RBM34: variants seen among roughly 807,000 people sequenced by gnomAD.
RBM34 encodes the protein RNA-binding protein 34.
In RBM34, 39 loss-of-function variants were observed where a neutral mutation model predicts 44.6. The ratio of observed to expected loss-of-function variants is 0.87; its 90% CI spans 0.68 to 1.14. The LOEUF (loss-of-function observed/expected upper bound fraction) is 1.14, where lower values mean the gene tolerates loss of function less well. Ranked by LOEUF, RBM34 falls within the 50% of genes most tolerant of loss-of-function variation. The pLI is 0.00. For missense variants in RBM34, 572 were observed against 517.9 expected, an observed-to-expected ratio of 1.10 and a Z score of -1.01; for synonymous variants, 194 against 184.0, an observed-to-expected ratio of 1.05 and a Z score of -0.44.
Position 235,160,595 on chromosome 1 carries a change from A to G in RBM34, c.281T>C (p.Ile94Thr), listed in dbSNP as rs370731964. The change falls in exon 3 of 11, where the codon ATT becomes ACT. Residue 94 changes from isoleucine to threonine, a missense_variant. Transcript: ENST00000408888. ...RNEEEESTSQ[I>T]ERPLSQEPAK... ...AGGTTCTTGCGAAAGTGGTCTTTCA[A>G]TCTGGGATGTACTTTCTTCCTCCTC... 4.8e-5 allele frequency: 78 copies of G among 1,613,782 alleles called. 2 individuals carry two copies. In the Middle Eastern group the frequency reaches 2.6e-3, roughly 54 times the overall value.
intron 6 of RBM34, among the ~76,000 whole-genome samples, chr1:235,143,716 C>A (rs757203448): frequency 1.4e-4 from 21 of 152,022 alleles, no homozygotes; most frequent in Non-Finnish European, 1.9e-4. Context: ...CCAGCCTGAG[C>A]GACAGAGCAA....
Position 235,131,665 on chromosome 1 carries a change from C to G in RBM34, c.*48G>C. The G allele has an allele frequency of 6.5e-7, 1 of 1,537,054 alleles. No homozygotes were observed. The highest frequency in any genetic ancestry group is 8.7e-7 in the Non-Finnish European group (1 of 1,145,678). ...ACGATGCTATCAGCAGATAATAGCA[C>G]TTTTATTAGCAGTACTCAGCAGGAA... On this transcript the variant is annotated 3_prime_UTR_variant, in exon 11 of 11. Transcript: ENST00000408888.
At chr1:235,133,505 TTTAAG>T (rs1273120066) in intron 10 of RBM34, among the ~76,000 whole-genome samples, 1 of 152,166 alleles carries the variant, frequency 6.6e-6, no homozygotes. Flanking sequence ...GTAAATATAA[TTTAAG>T]TTCACAGAGA....
intron 3 of RBM34, among the ~76,000 whole-genome samples, chr1:235,156,131 G>C (rs1426085133): frequency 1.3e-5 from 2 of 151,114 alleles, no homozygotes; most frequent in African/African-American, 2.4e-5. Flanking sequence ...GCCTCCCAAA[G>C]TGTTGTGATT....
chr1:235,132,817 G>A (rs1386755451), intron 10 of RBM34, among the ~76,000 whole-genome samples: 8 of 152,098 alleles, frequency 5.3e-5, no homozygotes, highest in Non-Finnish European at 1.2e-4. Flanking sequence ...ATATCCATGA[G>A]ATGTTTGTTA....
At chr1:235,144,047 A>G (rs991942262) in intron 6 of RBM34, among the ~76,000 whole-genome samples, 12 of 151,762 alleles carry the variant, frequency 7.9e-5, no homozygotes, top group African/African-American at 2.9e-4. Flanking sequence ...TGTGGTGGCG[A>G]GCACCTGTAG....
At chr1:235,135,427 C>A (rs1248701344) in intron 10 of RBM34, among the ~76,000 whole-genome samples, 4 of 151,954 alleles carry the variant, frequency 2.6e-5, no homozygotes, top group African/African-American at 7.3e-5. Context: ...CGAGGTTTTA[C>A]CATGTGGGCC....
chr1:235,146,974 TA>T (rs1385716266), intron 6 of RBM34, among the ~76,000 whole-genome samples: 1 of 152,212 alleles, frequency 6.6e-6, no homozygotes. Flanking sequence ...CTCATGCTCA[TA>T]ATCCCACTGC....
Position 235,148,388 on chromosome 1 carries a change from C to CT in RBM34, c.701+15dup, listed in dbSNP as rs776965543. ...GAAAGTTTAAGGTGACTCCCTTTCT[C>CT]TAATTATAAACTTACTTTATTGCTG... On this transcript the variant is annotated intron_variant, in intron 6 of 10. Transcript: ENST00000408888. 3 of 1,573,566 alleles carry CT rather than the reference C, an allele frequency of 1.9e-6. No individual in the cohort carries two copies. The highest frequency in any genetic ancestry group is 2.6e-6 in the Non-Finnish European group (3 of 1,158,236).
intron 6 of RBM34, among the ~76,000 whole-genome samples, chr1:235,144,933 C>G (rs1661840315): frequency 6.6e-6 from 1 of 152,084 alleles, no homozygotes; most frequent in Admixed American, 6.6e-5. Context: ...ATCCCAGCTA[C>G]TCAGTAGGCT....
chr1:235,155,497 A>C (rs1572167299), intron 3 of RBM34, among the ~76,000 whole-genome samples: 1 of 140,146 alleles, frequency 7.1e-6, no homozygotes, highest in Non-Finnish European at 1.5e-5. Context: ...GCATGCCCCC[A>C]CACGTGGCTT....
chr1:235,159,339 C>G (rs991518563), intron 3 of RBM34, among the ~76,000 whole-genome samples: 7 of 151,736 alleles, frequency 4.6e-5, no homozygotes, highest in Non-Finnish European at 1.0e-4. Context: ...ATCATGAGGT[C>G]AAGAGTTCGA....
rs1188531868 is a variant in RBM34, at chr1:235,161,076, GGAC to G, written c.54-12_54-10del. On this transcript the variant is annotated splice_polypyrimidine_tract_variant and intron_variant, in intron 1 of 10. Transcript: ENST00000408888. ...CGTCGTCAGGATTCTCTCTAGAAAT[GGAC>G]GACAGAAACTCAGCCACGCCACGCA... is the stretch of plus-strand genomic sequence containing the variant. 14 of 1,610,418 alleles carry G rather than the reference GGAC, an allele frequency of 8.7e-6. No homozygotes were observed. The highest frequency in any genetic ancestry group is 1.2e-5 in the Non-Finnish European group (14 of 1,177,066).
chr1:235,144,983 C>T (rs1003845225), intron 6 of RBM34, among the ~76,000 whole-genome samples: 1 of 152,258 alleles, frequency 6.6e-6, no homozygotes, highest in African/African-American at 2.4e-5. Flanking sequence ...GCGGAGATTA[C>T]GGTGAGCTGA....
At position 235,155,102 on chromosome 1, in the gene RBM34, G is replaced by A. The variant is rs372028134; in HGVS notation, c.376C>T (p.Leu126=). The part of the protein sequence containing the change: ...EKKLADRESA[L]ASADLEEEIH... ...TCTTCTTCTAAATCAGCACTCGCTA[G>A]AGCGCTTTCCCTTTTTAAGGCAAAA... Residue 126 remains leucine, a synonymous_variant, in exon 4 of 11, where the codon CTA becomes TTA. Transcript: ENST00000408888. 1 of 1,611,652 alleles carries A rather than the reference G, an allele frequency of 6.2e-7. No individual in the cohort carries two copies. Among genetic ancestry groups the A allele is most frequent in the Admixed American group, 1.7e-5 (1 of 59,236 alleles).
intron 5 of RBM34, among the ~76,000 whole-genome samples, chr1:235,148,797 AT>A (rs1351594929): frequency 4.6e-5 from 7 of 151,886 alleles, no homozygotes; most frequent in East Asian, 2.0e-4. Context: ...ATGCGGTTTC[AT>A]CAGGTTAGCC....
intron 3 of RBM34, among the ~76,000 whole-genome samples, chr1:235,158,585 G>A (rs1662552262): frequency 6.6e-6 from 1 of 152,104 alleles, no homozygotes; most frequent in Non-Finnish European, 1.5e-5. Flanking sequence ...TAAGAAAGAG[G>A]GGAAGAAATA....
chr1:235,132,488 T>C (rs914446927), intron 10 of RBM34, among the ~76,000 whole-genome samples: 2 of 152,284 alleles, frequency 1.3e-5, no homozygotes, highest in East Asian at 3.9e-4. Context: ...TTTGTATTTT[T>C]AGTAGAGACA....
chr1:235,140,632 TCCA>T (rs949326204), intron 6 of RBM34, among the ~76,000 whole-genome samples: 12 of 152,164 alleles, frequency 7.9e-5, no homozygotes, highest in African/African-American at 2.9e-4. Flanking sequence ...CACCCCCTGC[TCCA>T]CGACGCCCAG....
Sources: allele counts gnomAD v4.1 joint callset (sites outside exome capture counted in the v4.1 genomes callset), GRCh38; gene constraint gnomAD v4.1.1; transcripts MANE v1.5; gene names NCBI Gene and HGNC (gene_info 2026-07-23, HGNC 2026-07-21).